The following ARHGAP10 variants were observed in gnomAD, a reference collection of about 807,000 sequenced individuals.
ARHGAP10 encodes rho GTPase-activating protein 10.
A neutral mutation model predicts 108.6 loss-of-function variants in ARHGAP10; 87 were observed. That is an observed-to-expected ratio of 0.80 (90% CI 0.67 to 0.96). The LOEUF (loss-of-function observed/expected upper bound fraction) is 0.96. Among genes scored for constraint, ARHGAP10 ranks in the 40% least tolerant of loss-of-function variants. The pLI, the probability that ARHGAP10 is intolerant of heterozygous loss-of-function variation, is 0.00. For missense variants in ARHGAP10, 939 were observed against 954.5 expected, an observed-to-expected ratio of 0.98 and a Z score of 0.21; for synonymous variants, 347 against 341.1, an observed-to-expected ratio of 1.02 and a Z score of -0.19.
chr4:147,773,512 A>G (rs1053632043), intron 1 of ARHGAP10, among the ~76,000 whole-genome samples: 2 of 152,224 alleles, frequency 1.3e-5, no homozygotes, highest in African/African-American at 4.8e-5. Flanking sequence ...TACAGCATCT[A>G]TTAGAAATCA....
rs1212849354 is a variant in ARHGAP10, at chr4:147,732,229, C to T, written c.-73C>T. The T allele has an allele frequency of 1.4e-6, 2 of 1,414,740 alleles. No individual in the cohort carries two copies. Among genetic ancestry groups the T allele is most frequent in the Admixed American group, 3.5e-5 (1 of 28,708 alleles). 87.6% of individuals were successfully genotyped at this position (1,414,740 alleles called of 1,614,324 possible). A position where few individuals can be genotyped will look rare whatever the true frequency, so the allele number is the denominator to read the frequency against. Reference sequence around the variant, plus strand: ...GCTCCCTGAACGCGCGGCGCCGCACCTGGCAGCGGCCTCGGAGCTCGGCTC... The same window carrying T: ...GCTCCCTGAACGCGCGGCGCCGCACTTGGCAGCGGCCTCGGAGCTCGGCTC... On this transcript the variant is annotated 5_prime_UTR_variant, in exon 1 of 23. Coordinates refer to ENST00000336498, the MANE Select transcript of ARHGAP10 (RefSeq NM_024605.4).
chr4:147,863,842 C>T (rs1734429088), intron 5 of ARHGAP10: 1 of 152,148 alleles, frequency 6.6e-6, no homozygotes, highest in Non-Finnish European at 1.5e-5. Context: ...AGTGCTTGTA[C>T]CATCTTGCAT....
intron 20 of ARHGAP10, among the ~76,000 whole-genome samples, chr4:148,057,667 C>A (rs924556595): frequency 6.6e-6 from 1 of 152,240 alleles, no homozygotes; most frequent in Non-Finnish European, 1.5e-5. Context: ...GCTGCCTCCT[C>A]CAGGAAGCCC....
chr4:147,923,785 C>A (rs1428858966), intron 13 of ARHGAP10, among the ~76,000 whole-genome samples: 1 of 152,202 alleles, frequency 6.6e-6, no homozygotes, highest in Non-Finnish European at 1.5e-5. Context: ...GTATGGGGTT[C>A]TCAAGATGGG....
chr4:147,913,206 A>G lies in ARHGAP10; in HGVS notation c.1228+67A>G. 8 of 1,415,148 alleles carry G rather than the reference A, an allele frequency of 5.7e-6. 1 individual carries two copies. The South Asian group carries it at 8.2e-5, about 15-fold the overall frequency. 87.7% of individuals were successfully genotyped at this position (1,415,148 alleles called of 1,614,324 possible). A position where few individuals can be genotyped will look rare whatever the true frequency, so the allele number is the denominator to read the frequency against. ...ATGTAAAATCTAAAAGTCATTAAAA[A>G]TACTTCTTGCTTTTAAGTGTTACAG... On this transcript the variant is annotated intron_variant, in intron 13 of 22. Transcript: ENST00000336498.
chr4:148,034,030 T>C (rs111735804), intron 19 of ARHGAP10, among the ~76,000 whole-genome samples: 3 of 152,182 alleles, frequency 2.0e-5, no homozygotes, highest in African/African-American at 7.2e-5. Flanking sequence ...TTGTTTATGA[T>C]CTCAGCAAAT....
chr4:147,896,844 G>A (rs1326804387), intron 10 of ARHGAP10, among the ~76,000 whole-genome samples: 2 of 152,036 alleles, frequency 1.3e-5, no homozygotes, highest in East Asian at 1.9e-4. Flanking sequence ...GCTATAGATC[G>A]AAAACGTGAT....
intron 1 of ARHGAP10, among the ~76,000 whole-genome samples, chr4:147,798,703 G>A (rs980763073): frequency 6.9e-6 from 1 of 145,422 alleles, no homozygotes; most frequent in Non-Finnish European, 1.5e-5. Context: ...GGTGCATTAC[G>A]TGAGGTCAGG....
At chr4:147,818,833 G>A (rs1258228653) in intron 1 of ARHGAP10, among the ~76,000 whole-genome samples, 1 of 152,146 alleles carries the variant, frequency 6.6e-6, no homozygotes, top group Admixed American at 6.6e-5. Flanking sequence ...TAAAGTAATG[G>A]AAAGGAAATT....
chr4:148,017,827 T>G (rs1741408945), intron 18 of ARHGAP10, among the ~76,000 whole-genome samples: 1 of 152,090 alleles, frequency 6.6e-6, no homozygotes, highest in Non-Finnish European at 1.5e-5. Flanking sequence ...GCAGAGACCA[T>G]CTTATATCCT....
At chr4:147,930,945 G>T (rs1737653189) in intron 13 of ARHGAP10, among the ~76,000 whole-genome samples, 1 of 152,156 alleles carries the variant, frequency 6.6e-6, no homozygotes, top group Non-Finnish European at 1.5e-5. Flanking sequence ...CACCTACAGG[G>T]ACAGTGGATG....
chr4:148,043,652 T>TATATATATATATATATATATA (rs1728740400), intron 19 of ARHGAP10, among the ~76,000 whole-genome samples: 2 of 111,668 alleles, frequency 1.8e-5, no homozygotes, highest in Non-Finnish European at 3.8e-5. Flanking sequence ...TATATATATA[T>TATATATATATATATATATATA]TTTAGGTGTA....
intron 19 of ARHGAP10, among the ~76,000 whole-genome samples, chr4:148,046,384 G>C (rs905150893): frequency 5.3e-5 from 8 of 152,142 alleles, no homozygotes; most frequent in African/African-American, 1.4e-4. Context: ...TCTATGTGTG[G>C]GATTTTAATG....
chr4:148,004,482 G>T (rs1376422406), intron 18 of ARHGAP10, among the ~76,000 whole-genome samples: 1 of 152,178 alleles, frequency 6.6e-6, no homozygotes, highest in Non-Finnish European at 1.5e-5. Context: ...CTACCCAGTA[G>T]AATACAGCAG....
chr4:148,018,652 C>T (rs1191906799), intron 18 of ARHGAP10, among the ~76,000 whole-genome samples: 2 of 151,456 alleles, frequency 1.3e-5, no homozygotes, highest in African/African-American at 4.9e-5. Context: ...ATTCTCAGAA[C>T]ATGTAGAAGG....
intron 16 of ARHGAP10, among the ~76,000 whole-genome samples, chr4:147,957,711 C>T (rs1221750426): frequency 2.6e-5 from 4 of 152,172 alleles, no homozygotes; most frequent in Non-Finnish European, 5.9e-5. Context: ...TGAGAGTTCT[C>T]AAGGTTTCTC....
intron 8 of ARHGAP10, among the ~76,000 whole-genome samples, chr4:147,876,242 C>T (rs1735052818): frequency 6.6e-6 from 1 of 152,136 alleles, no homozygotes; most frequent in Non-Finnish European, 1.5e-5. Context: ...CCATTTTTCT[C>T]ATACATTATC....
At chr4:148,046,780 T>C in intron 19 of ARHGAP10, 112 bp from the exon 20 acceptor site, 1 of 1,122,052 alleles carries the variant, frequency 8.9e-7, no homozygotes. Context: ...GGCTGAACTG[T>C]AAATGTAATT....
At position 147,989,974 on chromosome 4, in the gene ARHGAP10, G is replaced by C. The variant is rs947265709; in HGVS notation, c.1716+23135G>C. On this transcript the variant is annotated intron_variant, in intron 18 of 22. Transcript: ENST00000336498. ...GTATTAATTTGGGGAACTAATAAAT[G>C]TCCATAAAATCTTCACAATCCACAT... is the stretch of plus-strand genomic sequence containing the variant. Among the ~76,000 whole-genome samples the C allele has an allele frequency of 4.6e-5, 7 of 152,292 alleles. No individual in the cohort carries two copies. The South Asian group carries it at 1.2e-3, about 27-fold the overall frequency.
Sources: allele counts gnomAD v4.1 joint callset (sites outside exome capture counted in the v4.1 genomes callset), GRCh38; gene constraint gnomAD v4.1.1; transcripts MANE v1.5; gene names NCBI Gene and HGNC (gene_info 2026-07-23, HGNC 2026-07-21).